The following NEB variants were observed in gnomAD, a reference collection of about 807,000 sequenced individuals.
NEB encodes the protein nebulin, also known as nemaline myopathy type 2.
A neutral mutation model predicts 952.2 loss-of-function variants in NEB; 512 were observed. That is an observed-to-expected ratio of 0.54 (90% CI 0.50 to 0.58). The LOEUF is 0.58. Ranked by LOEUF, NEB falls within the 20% of genes least tolerant of loss-of-function variation. The pLI, the probability that NEB is intolerant of heterozygous loss-of-function variation, is 0.00. For synonymous variants in NEB, 2,900 were observed against 3,149.8 expected, an observed-to-expected ratio of 0.92 and a Z score of 2.66; for missense variants, 8,428 against 9,231.1, an observed-to-expected ratio of 0.91 and a Z score of 3.56.
chr2:151,680,660 G>A (rs2099407607), intron 30 of NEB, 70 bp downstream of exon 30: 1 of 1,139,104 alleles, frequency 8.8e-7, no homozygotes, highest in East Asian at 2.4e-5. Flanking sequence ...GAGGTGATCA[G>A]TACATTTGAA....
At chr2:151,550,284 A>C (rs1037957862) in intron 129 of NEB, among the ~76,000 whole-genome samples, 10 of 151,844 alleles carry the variant, frequency 6.6e-5, no homozygotes, top group African/African-American at 2.2e-4. Flanking sequence ...AAAAAAAAAA[A>C]AAAAAACACT....
In NEB at chr2:151,663,673, C is replaced by T. The variant is rs2099171301; in HGVS notation, c.5638G>A (p.Ala1880Thr). ...HTPVDMLSVV[A>T]AKKSQEVATN... ...GCCACTTCCTGAGACTTCTTGGCTG[C>T]CACCACACTGAGCATGTCCACCGGG... The change falls in exon 45 of 182, where the codon GCA becomes ACA. Residue 1880 changes from alanine to threonine, a missense_variant. Physicochemically the swap from Ala to Thr is moderately conservative, Grantham distance 58. Coordinates refer to ENST00000397345, the MANE Select transcript of NEB (RefSeq NM_001164508.2). The T allele has an allele frequency of 3.1e-6, 5 of 1,613,760 alleles. No homozygotes were observed. The East Asian group carries it at 8.9e-5, about 29-fold the overall frequency.
chr2:151,718,579 C>G (rs1320027384), intron 9 of NEB, among the ~76,000 whole-genome samples: 2 of 152,162 alleles, frequency 1.3e-5, no homozygotes, highest in African/African-American at 4.8e-5. Flanking sequence ...CCATATTCAT[C>G]CCTGCGTCTC....
Position 151,512,725 on chromosome 2 carries a change from G to A in NEB, c.23346+8C>T. ...GTTTATGAGTGATGGCATGACGAATGTCCTTACCTGGCTTGAAAGATTCTT... is the reference window on the plus strand; with the variant it reads ...GTTTATGAGTGATGGCATGACGAATATCCTTACCTGGCTTGAAAGATTCTT... On this transcript the variant is annotated splice_region_variant and intron_variant, in intron 161 of 181. Coordinates refer to ENST00000397345, the MANE Select transcript of NEB (RefSeq NM_001164508.2). 1 of 1,601,192 alleles carries A rather than the reference G, an allele frequency of 6.2e-7. No homozygotes were observed. The highest frequency in any genetic ancestry group is 1.7e-5 in the Admixed American group (1 of 59,984).
rs780303263 is a variant in NEB, at chr2:151,697,347, T to G, written c.1365+3A>C. On this transcript the variant is annotated splice_donor_region_variant and intron_variant, in intron 15 of 181. Transcript: ENST00000397345. ...AAAGTCAAACAATTGTCTTAGAACT[T>G]ACATCACTGTTTTGAGCTGTGACTT... 1 of 1,613,412 alleles carries G rather than the reference T, an allele frequency of 6.2e-7. No individual in the cohort carries two copies.
chr2:151,716,140 T>C lies in NEB; in HGVS notation c.822+1276A>G, dbSNP rs1043826331. 18 of 442,022 alleles carry C rather than the reference T, an allele frequency of 4.1e-5. No individual in the cohort carries two copies. In the East Asian group the frequency reaches 1.1e-3, roughly 28 times the overall value. The allele number at this position is 442,022 out of a possible 1,614,324, so 27.4% of individuals were successfully genotyped here. A position where few individuals can be genotyped will look rare whatever the true frequency, so the allele number is the denominator to read the frequency against. Reference sequence around the variant, plus strand: ...ATCAACACTTTCTTTCTTTTTTTTTTTCTTTTTTTCTCTTTTTGAGACAGT... The same window carrying C: ...ATCAACACTTTCTTTCTTTTTTTTTCTCTTTTTTTCTCTTTTTGAGACAGT... On this transcript the variant is annotated intron_variant, in intron 10 of 181. Coordinates refer to ENST00000397345, the MANE Select transcript of NEB (RefSeq NM_001164508.2).
Position 151,568,419 on chromosome 2 carries a change from TAA to T in NEB, c.17635-4_17635-3del, listed in dbSNP as rs3214503. 135 of 1,476,390 alleles carry T rather than the reference TAA, an allele frequency of 9.1e-5. No homozygotes were observed. The highest frequency in any genetic ancestry group is 1.7e-4 in the South Asian group (15 of 86,040). The allele number at this position is 1,476,390 out of a possible 1,614,324, so 91.5% of individuals were successfully genotyped here. ...ATTCCAGTCTTTCCGGTATTTAATC[TAA>T]AAAAAAAAAAATGAGAGGCAAGGGG... On this transcript the variant is annotated splice_region_variant and splice_polypyrimidine_tract_variant and intron_variant, in intron 111 of 181. Coordinates refer to ENST00000397345, the MANE Select transcript of NEB (RefSeq NM_001164508.2).
intron 54 of NEB, among the ~76,000 whole-genome samples, chr2:151,647,398 T>C (rs1575044400): frequency 6.6e-6 from 1 of 152,060 alleles, no homozygotes; most frequent in African/African-American, 2.4e-5. Context: ...GTGTGAGCCA[T>C]CGTGCCCGGC....
chr2:151,540,757 G>T lies in NEB; in HGVS notation c.20727C>A (p.His6909Gln). 3 of 1,613,564 alleles carry T rather than the reference G, an allele frequency of 1.9e-6. No individual in the cohort carries two copies. Among genetic ancestry groups the T allele is most frequent in the Non-Finnish European group, 2.5e-6 (3 of 1,179,624 alleles). ...TCAAGGCTGTGGTCTGGTTTCCAGC[G>T]TGATGATGGGGTCTCTCTTTGGTGG... The part of the protein sequence containing the change: ...ELATKERPHH[H>Q]AGNQTTALKH... The change falls in exon 137 of 182, where the codon CAC becomes CAA. Residue 6909 changes from histidine to glutamine, a missense_variant. By Grantham distance (24) the His-to-Gln change is conservative. Around this residue, in one of 11 missense-constraint regions of NEB, gnomAD observed 3,374 missense variants for 3,651.5 expected, o/e 0.92. Coordinates refer to ENST00000397345, the MANE Select transcript of NEB (RefSeq NM_001164508.2).
intron 27 of NEB, among the ~76,000 whole-genome samples, chr2:151,687,004 A>G (rs185146472): frequency 5.8e-4 from 89 of 152,310 alleles, no homozygotes; most frequent in Non-Finnish European, 3.2e-4. Flanking sequence ...ACTCATTACT[A>G]AAGTCAATGA....
In NEB at chr2:151,513,675, G is replaced by T. The variant is rs376977065; in HGVS notation, c.23146C>A (p.Leu7716Met). Residue 7716 changes from leucine (L) to methionine (M), a missense_variant, in exon 160 of 182, where the codon CTG becomes ATG. Leu to Met is a conservative substitution (Grantham distance 15). Around this residue, in one of 11 missense-constraint regions of NEB, gnomAD observed 3,374 missense variants for 3,651.5 expected, o/e 0.92. Transcript: ENST00000397345. ...CCTCTTCCTTTGACTTCCAGTTCCAGGTCTCGCTTATATTCTTTCTATAGT... is the reference window on the plus strand; with the variant it reads ...CCTCTTCCTTTGACTTCCAGTTCCATGTCTCGCTTATATTCTTTCTATAGT... ...ILNEKEYKRD[L>M]ELEVKGRGLN... is the part of the protein sequence containing the mutation. The T allele has an allele frequency of 5.0e-6, 8 of 1,603,482 alleles. No homozygotes were observed. In the African/African-American group the frequency reaches 1.1e-4, roughly 21 times the overall value.
Position 151,565,750 on chromosome 2 carries a change from A to C in NEB, c.18227T>G (p.Val6076Gly). ...CATTTCCTGGTTCTTAGTAACCCTTACATGGTCCACAGAATCCAGTGGGAT... is the reference window on the plus strand; with the variant it reads ...CATTTCCTGGTTCTTAGTAACCCTTCCATGGTCCACAGAATCCAGTGGGAT... Reference protein sequence around the residue: ...GWIPLDSVDHVRVTKNQEMMS... With the variant: ...GWIPLDSVDHGRVTKNQEMMS... Residue 6076 changes from valine to glycine, a missense_variant, in exon 115 of 182, where the codon GTA (valine) becomes GGA (glycine). By Grantham distance (109) the Val-to-Gly change is moderately radical (BLOSUM62 -3). Transcript: ENST00000397345. The C allele has an allele frequency of 6.2e-7, 1 of 1,612,674 alleles. No homozygotes were observed. The highest frequency in any genetic ancestry group is 8.5e-7 in the Non-Finnish European group (1 of 1,179,322).
chr2:151,662,720 C>T (rs1030831513), intron 45 of NEB, among the ~76,000 whole-genome samples: 4 of 152,112 alleles, frequency 2.6e-5, no homozygotes, highest in Non-Finnish European at 5.9e-5. Context: ...CCCAAGTCCC[C>T]TTGGTTAACA....
At position 151,494,256 on chromosome 2, in the gene NEB, A is replaced by G. The variant is rs1458263476; in HGVS notation, c.24487-3T>C. On this transcript the variant is annotated splice_polypyrimidine_tract_variant and splice_region_variant and intron_variant, in intron 173 of 181. Coordinates refer to ENST00000397345, the MANE Select transcript of NEB (RefSeq NM_001164508.2). Reference sequence around the variant, plus strand: ...CCCACATTTTCTTTGTACAAAACCTATGGGAATCCAATGGGTCCAAAAAGC... The same window carrying G: ...CCCACATTTTCTTTGTACAAAACCTGTGGGAATCCAATGGGTCCAAAAAGC... 12 of 1,584,578 alleles carry G rather than the reference A, an allele frequency of 7.6e-6. No homozygotes were observed. The highest frequency in any genetic ancestry group is 4.5e-5 in the East Asian group (2 of 44,412).
At position 151,707,015 on chromosome 2, in the gene NEB, A is replaced by G; in HGVS notation, c.1036-18T>C. The stretch of plus-strand genomic sequence containing the variant: ...TATTTTACCTGTAGGAGTGAAATAA[A>G]ATGATAAAGTAACTCTATGGGTTAT... On this transcript the variant is annotated intron_variant, in intron 12 of 181. Coordinates refer to ENST00000397345, the MANE Select transcript of NEB (RefSeq NM_001164508.2). The G allele has an allele frequency of 2.7e-6, 4 of 1,484,894 alleles. No homozygotes were observed. Among genetic ancestry groups the G allele is most frequent in the Non-Finnish European group, 3.7e-6 (4 of 1,086,202 alleles). 92.0% of individuals were successfully genotyped at this position (1,484,894 alleles called of 1,614,324 possible).
At chr2:151,709,629 A>C (rs780655472) in intron 12 of NEB, 27 bp downstream of exon 12, 1 of 1,515,756 alleles carries the variant, frequency 6.6e-7, no homozygotes, top group South Asian at 1.2e-5. Flanking sequence ...TCAAACCATC[A>C]AGATAAATGG....
chr2:151,663,959 AG>A (rs2099175166), intron 44 of NEB, 100 bp from the exon 45 acceptor site: 1 of 1,237,588 alleles, frequency 8.1e-7, no homozygotes, highest in African/African-American at 1.5e-5. Context: ...AGGGTTTTAG[AG>A]CTACTCTAAA....
intron 154 of NEB, 146 bp from the exon 155 acceptor site, chr2:151,519,215 GAA>G: frequency 1.5e-6 from 1 of 663,066 alleles, no homozygotes. Flanking sequence ...CCAGAAGGCA[GAA>G]ACAACCCAAG....
chr2:151,577,601 G>C (rs1233545022), intron 105 of NEB, among the ~76,000 whole-genome samples: 1 of 152,112 alleles, frequency 6.6e-6, no homozygotes, highest in Admixed American at 6.5e-5. Flanking sequence ...TTGCCTTTGA[G>C]ACGGAGTCTC....
Sources: gnomAD v4.1 joint callset for allele counts (sites outside exome capture counted in the v4.1 genomes callset) on GRCh38, gnomAD v4.1.1 for gene constraint, gnomAD v4.1.1 regional missense constraint, MANE v1.5 for transcripts, NCBI Gene and HGNC (gene_info 2026-07-23, HGNC 2026-07-21) for gene names.